Variants in ABCB9 observed in about 807,000 individuals in gnomAD.
ABCB9 encodes the protein ABC-type oligopeptide transporter ABCB9.
In ABCB9, 36 loss-of-function variants were observed where a neutral mutation model predicts 62.0. That is an observed-to-expected ratio of 0.58 (90% CI 0.45 to 0.77). ABCB9 has a LOEUF of 0.77. Among genes scored for constraint, ABCB9 ranks in the 30% least tolerant of loss-of-function variants. The pLI, the probability that ABCB9 is intolerant of heterozygous loss-of-function variation, is 0.00. For synonymous variants in ABCB9, 435 were observed against 461.4 expected, an observed-to-expected ratio of 0.94 and a Z score of 0.73; for missense variants, 943 against 1,054.7, an observed-to-expected ratio of 0.89 and a Z score of 1.47.
At chr12:122,960,997 G>T (rs548220231) in intron 1 of ABCB9, among the ~76,000 whole-genome samples, 9 of 151,958 alleles carry the variant, frequency 5.9e-5, no homozygotes, top group African/African-American at 2.2e-4. Flanking sequence ...CTGGGAGTTC[G>T]AGGCCACAGT....
chr12:122,969,732 C>CAA (rs58746093), upstream of ABCB9, among the ~76,000 whole-genome samples: 400 of 90,912 alleles, frequency 4.4e-3, 2 homozygotes, highest in African/African-American at 0.014. Flanking sequence ...GACCCTGTCT[C>CAA]AAAAAAAAAA....
chr12:122,941,283 C>G (rs1426730633), intron 7 of ABCB9, among the ~76,000 whole-genome samples: 1 of 151,410 alleles, frequency 6.6e-6, no homozygotes, highest in Non-Finnish European at 1.5e-5. Flanking sequence ...GGAATCCAGC[C>G]TTGATCTTTC....
At chr12:122,973,592 A>G (rs1451169012) in intron 1 of ABCB9, among the ~76,000 whole-genome samples, 2 of 141,572 alleles carry the variant, frequency 1.4e-5, no homozygotes. Flanking sequence ...AAAAAAAAAA[A>G]AAAAAAAAAA....
intron 2 of ABCB9, among the ~76,000 whole-genome samples, chr12:122,956,125 T>A (rs2036602896): frequency 6.6e-6 from 1 of 152,184 alleles, no homozygotes; most frequent in African/African-American, 2.4e-5. Context: ...CCGCCCAGCA[T>A]GAGCCAGGAG....
In ABCB9 at chr12:122,929,377, G is replaced by A; in HGVS notation, c.*534C>T. 1.0e-6 allele frequency: 1 copy of A among 986,076 alleles called. No individual in the cohort carries two copies. Among genetic ancestry groups the A allele is most frequent in the Non-Finnish European group, 1.2e-6 (1 of 830,112 alleles). 61.1% of individuals were successfully genotyped at this position (986,076 alleles called of 1,614,324 possible). On this transcript the variant is annotated 3_prime_UTR_variant, in exon 12 of 12. Transcript: ENST00000280560. The surrounding 1 kb of genome is among the most constrained non-coding windows in gnomAD (Gnocchi z 6.0). ...CCTACCCGCCCTGGCCAGACTCACAGAGCTGGCAAGAGGGAGAGACGGAAA... is the reference window on the plus strand; with the variant it reads ...CCTACCCGCCCTGGCCAGACTCACAAAGCTGGCAAGAGGGAGAGACGGAAA...
At chr12:122,921,029 G>A in exon 12 of ABCB9, 4 of 1,535,336 alleles carry the variant, frequency 2.6e-6, no homozygotes, top group Non-Finnish European at 3.5e-6. Flanking sequence ...ATATCTGCAG[G>A]CTGGTCATTC....
In ABCB9 at chr12:122,947,379, G is replaced by T. The variant is rs1450606247; in HGVS notation, c.1054-1157C>A. 2 of 392,854 alleles carry T rather than the reference G, an allele frequency of 5.1e-6. No individual in the cohort carries two copies. The highest frequency in any genetic ancestry group is 1.0e-5 in the Non-Finnish European group (2 of 190,928). The allele number at this position is 392,854 out of a possible 1,614,324, so 24.3% of individuals were successfully genotyped here. A position where few individuals can be genotyped will look rare whatever the true frequency, so the allele number is the denominator to read the frequency against. ...TGGCTGGAGAAGACTGTGGGGAGTG[G>T]CCTCACCGGGGGCTGGGTGGGAGAT... On this transcript the variant is annotated intron_variant, in intron 5 of 11. Coordinates refer to ENST00000280560, the MANE Select transcript of ABCB9 (RefSeq NM_019625.4). The surrounding 1 kb of genome is among the most constrained non-coding windows in gnomAD (Gnocchi z 6.0).
downstream of ABCB9, among the ~76,000 whole-genome samples, chr12:122,919,881 G>GTTTATTTATTTTTTTTTTA (rs942930448): frequency 2.9e-5 from 4 of 138,814 alleles, no homozygotes; most frequent in Non-Finnish European, 4.6e-5. Flanking sequence ...CTGTTTGTTT[G>GTTTATTTATTTTTTTTTTA]TTTATTTATT....
At chr12:122,939,024 T>G (rs564691370) in intron 9 of ABCB9, among the ~76,000 whole-genome samples, 111 of 151,598 alleles carry the variant, frequency 7.3e-4, no homozygotes, top group African/African-American at 2.5e-3. Context: ...ATACAAAAAT[T>G]AGTCAGGCAT....
chr12:122,964,778 C>T lies in ABCB9; in HGVS notation c.-88+1509G>A, dbSNP rs916356221. ...GGCCAGAATAGGCCCCACCCAGAAC[C>T]GGACAAGGCCCAGGAAGACAGGGGT... On this transcript the variant is annotated intron_variant, in intron 1 of 11. Transcript: ENST00000280560. The surrounding 1 kb of genome is among the most constrained non-coding windows in gnomAD (Gnocchi z 4.7). 5.9e-5 allele frequency among the ~76,000 whole-genome samples: 9 copies of T among 152,218 alleles called. No individual in the cohort carries two copies. The highest frequency in any genetic ancestry group is 2.2e-4 in the African/African-American group (9 of 41,462).
At chr12:122,919,113 A>C (rs1044113739), downstream of ABCB9, among the ~76,000 whole-genome samples, 1 of 152,186 alleles carries the variant, frequency 6.6e-6, no homozygotes, top group Non-Finnish European at 1.5e-5. Flanking sequence ...CAGTATGTGC[A>C]TACCACGGTT....
Position 122,932,218 on chromosome 12 carries a change from C to A in ABCB9, c.2014G>T (p.Ala672Ser). The change falls in exon 11 of 12, where the codon GCT becomes TCT. Residue 672 changes from alanine to serine, a missense_variant. Ala to Ser is a moderately conservative substitution (Grantham distance 99, BLOSUM62 1). Transcript: ENST00000280560. This position sits in a 1 kb window ranked among gnomAD's most constrained non-coding sequence, Gnocchi z 4.7. ...AGATACTCGCTCTCGGCATCCAAAG[C>A]GCTGGTGGCTTCATCCAGGATGAGG... is the stretch of plus-strand genomic sequence containing the variant. ...PVLILDEATSALDAESEYLIQ... is the reference protein window; with the variant it reads ...PVLILDEATSSLDAESEYLIQ... 1 of 1,552,826 alleles carries A rather than the reference C, an allele frequency of 6.4e-7. No individual in the cohort carries two copies. Among genetic ancestry groups the A allele is most frequent in the Non-Finnish European group, 8.7e-7 (1 of 1,147,914 alleles).
chr12:122,953,960 T>A (rs926260385), intron 2 of ABCB9, among the ~76,000 whole-genome samples: 4 of 152,298 alleles, frequency 2.6e-5, no homozygotes, highest in African/African-American at 9.6e-5. Context: ...CTCAGAGAGA[T>A]TAAGTCACTT....
chr12:122,930,268 G>T lies in ABCB9; in HGVS notation c.2041-97C>A. The T allele has an allele frequency of 8.0e-7, 1 of 1,249,092 alleles. No individual in the cohort carries two copies. The highest frequency in any genetic ancestry group is 1.1e-6 in the Non-Finnish European group (1 of 917,936). 77.4% of individuals were successfully genotyped at this position (1,249,092 alleles called of 1,614,324 possible). A position where few individuals can be genotyped will look rare whatever the true frequency, so the allele number is the denominator to read the frequency against. ...CTATGGGCTGATGCTTAACCTCTCTGAGGCTCAGTTCACAAACGATGGCCA... is the reference window on the plus strand; with the variant it reads ...CTATGGGCTGATGCTTAACCTCTCTTAGGCTCAGTTCACAAACGATGGCCA... On this transcript the variant is annotated intron_variant, in intron 11 of 11. Transcript: ENST00000280560. The surrounding 1 kb of genome is among the most constrained non-coding windows in gnomAD (Gnocchi z 4.9).
chr12:122,971,438 T>C (rs914793469), upstream of ABCB9, among the ~76,000 whole-genome samples: 16 of 144,832 alleles, frequency 1.1e-4, no homozygotes, highest in East Asian at 8.0e-4. Flanking sequence ...AAAAAAACTA[T>C]AGAATATGTT....
chr12:122,941,816 C>T (rs78441825), intron 7 of ABCB9, among the ~76,000 whole-genome samples: 1 of 151,948 alleles, frequency 6.6e-6, no homozygotes, highest in African/African-American at 2.4e-5. Context: ...CTTCTGCCTC[C>T]CGGGTTCAAG....
chr12:122,946,330 T>C (rs1191592174), intron 5 of ABCB9, 108 bp from the exon 6 acceptor site: 2 of 1,113,224 alleles, frequency 1.8e-6, no homozygotes, highest in African/African-American at 3.1e-5. Context: ...GCACCAGCTA[T>C]ATGCAAGAGG....
intron 10 of ABCB9, among the ~76,000 whole-genome samples, chr12:122,933,245 TAACATA>T (rs907526481): frequency 3.7e-4 from 56 of 152,240 alleles, no homozygotes; most frequent in African/African-American, 1.1e-3. Flanking sequence ...GAAACTGACA[TAACATA>T]AACATAACCA....
intron 1 of ABCB9, among the ~76,000 whole-genome samples, chr12:122,973,432 C>T (rs1369011110): frequency 6.1e-5 from 9 of 147,048 alleles, no homozygotes; most frequent in Admixed American, 2.0e-4. Flanking sequence ...GGCGCGGTGG[C>T]GGGCGCCTGT....
Sources: allele counts gnomAD v4.1 joint callset (sites outside exome capture counted in the v4.1 genomes callset), GRCh38; gene constraint gnomAD v4.1.1; non-coding constraint Gnocchi (gnomAD v3.1); transcripts MANE v1.5; gene names NCBI Gene and HGNC (gene_info 2026-07-23, HGNC 2026-07-21).